Variants in KEL observed in about 807,000 individuals in gnomAD.
KEL encodes the protein Kell metallo-endopeptidase (Kell blood group), also known as kell blood group glycoprotein.
KEL carries 96 observed loss-of-function variants against 99.5 expected under a neutral mutation model. That is an observed-to-expected ratio of 0.97 (90% CI 0.82 to 1.14). The LOEUF is 1.14. Among genes scored for constraint, KEL ranks in the 50% most tolerant of loss-of-function variants. The pLI is 0.00. For synonymous variants in KEL, 355 were observed against 354.8 expected (o/e 1.00, Z -0.01); for missense variants, 926 against 924.2 (o/e 1.00, Z -0.03).
At chr7:142,952,251 T>A (rs1418031659) in intron 10 of KEL, among the ~76,000 whole-genome samples, 1 of 152,160 alleles carries the variant, frequency 6.6e-6, no homozygotes, top group Non-Finnish European at 1.5e-5. Flanking sequence ...AGTTTTATAT[T>A]TGAGCTCAAA....
chr7:142,954,018 C>A, intron 8 of KEL, 62 bp from the exon 9 acceptor site: 1 of 1,599,430 alleles, frequency 6.3e-7, no homozygotes, highest in Admixed American at 1.7e-5. Flanking sequence ...GAAAGGGCTT[C>A]CCCTTGGGTG....
At chr7:142,952,731 TG>T (rs1354821251) in intron 9 of KEL, 93 bp from the exon 10 acceptor site, 1 of 1,406,362 alleles carries the variant, frequency 7.1e-7, no homozygotes, top group African/African-American at 1.4e-5. Context: ...TTGATACTCG[TG>T]AAGGCAGCTC....
chr7:142,943,367 A>G, intron 15 of KEL, 24 bp from the exon 16 acceptor site: 1 of 1,613,438 alleles, frequency 6.2e-7, no homozygotes, highest in Non-Finnish European at 8.5e-7. Flanking sequence ...GGCTTATTTG[A>G]CCCCCAGAAT....
intron 2 of KEL, 71 bp downstream of exon 2, chr7:142,961,724 T>C: frequency 7.3e-7 from 1 of 1,377,242 alleles, no homozygotes; most frequent in Non-Finnish European, 1.0e-6. Context: ...AGTAGATGAG[T>C]GTTTGTGGGA....
chr7:142,958,183 CTAG>C, intron 5 of KEL, 118 bp downstream of exon 5: 3 of 1,462,236 alleles, frequency 2.1e-6, no homozygotes, highest in Non-Finnish European at 2.9e-6. Context: ...CATCTCCCTC[CTAG>C]AAATTGGGGG....
chr7:142,961,718 G>A (rs1406798923), intron 2 of KEL, 77 bp downstream of exon 2: 1 of 1,353,122 alleles, frequency 7.4e-7, no homozygotes, highest in Non-Finnish European at 1.1e-6. Flanking sequence ...ACAGTTAGTA[G>A]ATGAGTGTTT....
chr7:142,944,447 A>G, intron 12 of KEL, 47 bp from the exon 13 acceptor site: 2 of 1,511,854 alleles, frequency 1.3e-6, no homozygotes, highest in Admixed American at 3.3e-5. Flanking sequence ...CGAGTCTACC[A>G]GAGGAAATTT....
In KEL at chr7:142,946,250, G is replaced by A. The variant is rs779011501; in HGVS notation, c.1271C>T (p.Ala424Val). 1.2e-5 allele frequency: 19 copies of A among 1,614,020 alleles called. No homozygotes were observed. Among genetic ancestry groups the A allele is most frequent in the African/African-American group, 6.7e-5 (5 of 74,906 alleles). ...TGTFFEPTLA[A>V]LFVREAFGPS... ...GCCAAAGGCCTCACGAACAAACAAA[G>A]CCGCCAGCGTGGGCTCGAAGAACGT... Residue 424 changes from alanine (A) to valine (V), a missense_variant, in exon 11 of 19, where the codon GCT becomes GTT. By Grantham distance (64) the Ala-to-Val change is moderately conservative. Coordinates refer to ENST00000355265, the MANE Select transcript of KEL (RefSeq NM_000420.3).
Position 142,943,477 on chromosome 7 carries a change from G to A in KEL, c.1703+9C>T. On this transcript the variant is annotated intron_variant, in intron 15 of 18. Transcript: ENST00000355265. ...AACTCCCTACCTACCCTTACAGAGT[G>A]ACCCATACCTGGGATAGCCAGGGTG... is the stretch of plus-strand genomic sequence containing the variant. 1 of 1,610,044 alleles carries A rather than the reference G, an allele frequency of 6.2e-7. No homozygotes were observed. Among genetic ancestry groups the A allele is most frequent in the Non-Finnish European group, 8.5e-7 (1 of 1,176,264 alleles).
At chr7:142,944,595 T>G in intron 12 of KEL, 48 bp downstream of exon 12, 5 of 1,481,118 alleles carry the variant, frequency 3.4e-6, no homozygotes, top group Non-Finnish European at 4.7e-6. Context: ...GTTCCAATAC[T>G]CCATTCCCTG....
chr7:142,957,312 G>T lies in KEL; in HGVS notation c.672+515C>A, dbSNP rs568918064. Among the ~76,000 whole-genome samples the T allele has an allele frequency of 2.6e-5, 4 of 152,284 alleles. No individual in the cohort carries two copies. The East Asian group carries it at 7.7e-4, about 29-fold the overall frequency. On this transcript the variant is annotated intron_variant, in intron 6 of 18. Transcript: ENST00000355265. ...CAGCAGTGAGTCAGCATGGCTTGGG[G>T]GTAAGGGAGAGAAGGAATGTACGGG...
In KEL at chr7:142,953,832, A is replaced by G. The variant is rs977459063; in HGVS notation, c.1049T>C (p.Val350Ala). 1.2e-6 allele frequency: 2 copies of G among 1,613,824 alleles called. No homozygotes were observed. The highest frequency in any genetic ancestry group is 2.7e-5 in the African/African-American group (2 of 74,832). ...VEYLKNMSQLVEEMLLKQRDF... is the reference protein window; with the variant it reads ...VEYLKNMSQLAEEMLLKQRDF... The stretch of plus-strand genomic sequence containing the variant: ...CCTCTGCTTTAGCAGCATCTCCTCC[A>G]CCAGTTGTGACATGTTTTTCAAATA... Residue 350 changes from valine (V) to alanine (A), a missense_variant, in exon 9 of 19, where the codon GTG (valine) becomes GCG (alanine). Physicochemically the swap from Val to Ala is moderately conservative, Grantham distance 64. Coordinates refer to ENST00000355265, the MANE Select transcript of KEL (RefSeq NM_000420.3).
intron 9 of KEL, among the ~76,000 whole-genome samples, chr7:142,952,921 C>T (rs892943204): frequency 6.6e-6 from 1 of 152,176 alleles, no homozygotes; most frequent in Non-Finnish European, 1.5e-5. Flanking sequence ...TGTCATGAAA[C>T]AGATTCTGCT....
At chr7:142,944,297 A>G in intron 13 of KEL, 26 bp downstream of exon 13, 1 of 1,582,624 alleles carries the variant, frequency 6.3e-7, no homozygotes, top group Non-Finnish European at 8.7e-7. Context: ...AGGACTGAAA[A>G]GGAGCTGGAA....
chr7:142,957,706 G>T, intron 6 of KEL, 121 bp downstream of exon 6: 1 of 1,256,498 alleles, frequency 8.0e-7, no homozygotes, highest in Non-Finnish European at 1.2e-6. Flanking sequence ...TTAAGGTAGG[G>T]TTGTTTCCTA....
At chr7:142,960,176 A>G (rs1011657230) in intron 4 of KEL, among the ~76,000 whole-genome samples, 3 of 152,104 alleles carry the variant, frequency 2.0e-5, no homozygotes, top group Non-Finnish European at 4.4e-5. Flanking sequence ...CTTCCAGCAT[A>G]TCCTTTGTAC....
At position 142,961,814 on chromosome 7, in the gene KEL, C is replaced by A; in HGVS notation, c.62G>T (p.Gly21Val). 1.9e-6 allele frequency: 3 copies of A among 1,614,056 alleles called. No individual in the cohort carries two copies. The Admixed American group carries it at 5.0e-5, about 27-fold the overall frequency. The change falls in exon 2 of 19, where the codon GGA (glycine) becomes GTA (valine). Residue 21 changes from glycine (G) to valine (V), a missense_variant. Coordinates refer to ENST00000355265, the MANE Select transcript of KEL (RefSeq NM_000420.3). Reference sequence around the variant, plus strand: ...ACTTACCTCTTGGCTCCAGAGAGTTCCCATTCCACCTGCCTGGCTGCGTTC... The same window carrying A: ...ACTTACCTCTTGGCTCCAGAGAGTTACCATTCCACCTGCCTGGCTGCGTTC... The part of the protein sequence containing the change: ...PRERSQAGGM[G>V]TLWSQESTPE...
rs1220801544 is a variant in KEL, at chr7:142,957,958, T to C, written c.541A>G (p.Ile181Val). 6 of 1,613,972 alleles carry C rather than the reference T, an allele frequency of 3.7e-6. No individual in the cohort carries two copies. The East Asian group carries it at 1.1e-4, about 30-fold the overall frequency. ...TTTAAGGAAGTCCATTTACCAGAGATGCGCCAGCCTCCAAGCTTTAAAGGA... is the reference window on the plus strand; with the variant it reads ...TTTAAGGAAGTCCATTTACCAGAGACGCGCCAGCCTCCAAGCTTTAAAGGA... ...QVIEELGGWR[I>V]SGKWTSLNFN... is the part of the protein sequence containing the mutation. Residue 181 changes from isoleucine to valine, a missense_variant, in exon 6 of 19, where the codon ATC (isoleucine) becomes GTC (valine). Ile to Val is a conservative substitution (Grantham distance 29, BLOSUM62 3). Coordinates refer to ENST00000355265, the MANE Select transcript of KEL (RefSeq NM_000420.3).
chr7:142,942,397 A>G (rs964970218), intron 18 of KEL, 37 bp downstream of exon 18: 8 of 1,464,240 alleles, frequency 5.5e-6, no homozygotes, highest in Non-Finnish European at 5.7e-6. Context: ...TTCAACTGAC[A>G]TAAAGCAAGC....
Sources: gnomAD v4.1 joint callset for allele counts (sites outside exome capture counted in the v4.1 genomes callset) on GRCh38, gnomAD v4.1.1 for gene constraint, MANE v1.5 for transcripts, NCBI Gene and HGNC (gene_info 2026-07-23, HGNC 2026-07-21) for gene names.